ZNF138: variants seen among roughly 807,000 people sequenced by gnomAD.
The protein encoded by ZNF138 is zinc finger protein 138.
Under a neutral mutation model 33.0 loss-of-function variants are expected in ZNF138, and 33 were observed. That is an observed-to-expected ratio of 1.00 (90% confidence interval 0.76 to 1.34). The LOEUF (loss-of-function observed/expected upper bound fraction) is 1.34, where lower values mean the gene tolerates loss of function less well. Among genes scored for constraint, ZNF138 ranks in the 40% most tolerant of loss-of-function variants. The pLI, the probability that ZNF138 is intolerant of heterozygous loss-of-function variation, is 0.00. For missense variants in ZNF138, 360 were observed against 370.8 expected (o/e 0.97, Z 0.24); for synonymous variants, 139 against 120.4 (o/e 1.15, Z -1.01).
rs547099898 is a variant in ZNF138 at position 64,796,980 on chromosome 7, G to A, written c.3+2409G>A. On this transcript the variant is annotated intron_variant, in intron 1 of 3. Coordinates refer to ENST00000307355, the MANE Select transcript of ZNF138 (RefSeq NM_001271639.2). ...TGGGAGAATCATTTGAACCCCATAG[G>A]CAGAGGTTGCAGTGAGCTGAGATCG... Among the ~76,000 whole-genome samples, 13 of 152,318 alleles carry A rather than the reference G, an allele frequency of 8.5e-5. No individual in the cohort carries two copies. The South Asian group carries it at 2.5e-3, about 29-fold the overall frequency.
chr7:64,844,537 T>A, the ZNF138 span, among the ~76,000 whole-genome samples: 1 of 152,030 alleles, frequency 6.6e-6, no homozygotes, highest in Admixed American at 6.6e-5. Context: ...CTCTTCTGCA[T>A]CCGCAAAATG....
chr7:64,808,450 C>T (rs1787790956), intron 1 of ZNF138, among the ~76,000 whole-genome samples: 1 of 152,122 alleles, frequency 6.6e-6, no homozygotes, highest in African/African-American at 2.4e-5. Context: ...AATTAAGCAT[C>T]ATATGGTTGG....
At chr7:64,849,701 C>A in the ZNF138 span, among the ~76,000 whole-genome samples, 1 of 151,828 alleles carries the variant, frequency 6.6e-6, no homozygotes, top group Admixed American at 6.6e-5. Context: ...CTGTGTCATG[C>A]AGGTTGTCAG....
At chr7:64,848,535 G>T in the ZNF138 span, among the ~76,000 whole-genome samples, 3 of 151,704 alleles carry the variant, frequency 2.0e-5, no homozygotes, top group Non-Finnish European at 4.4e-5. Flanking sequence ...TTTCACTGAA[G>T]ATTTCTCCCC....
chr7:64,812,778 G>A (rs118083105), intron 1 of ZNF138, among the ~76,000 whole-genome samples: 1 of 151,714 alleles, frequency 6.6e-6, no homozygotes, highest in Admixed American at 6.6e-5. Flanking sequence ...TGAAGATGCA[G>A]GTGTAATTTG....
the ZNF138 span, among the ~76,000 whole-genome samples, chr7:64,841,009 T>A: frequency 1.0e-3 from 154 of 152,228 alleles, no homozygotes; most frequent in Admixed American, 2.3e-3. Flanking sequence ...GCTTTTTTTT[T>A]AAATTTATTA....
downstream of ZNF138, among the ~76,000 whole-genome samples, chr7:64,834,741 CTCTT>C (rs1790312636): frequency 6.6e-6 from 1 of 152,092 alleles, no homozygotes; most frequent in Admixed American, 6.5e-5. Flanking sequence ...AGTGGAGAGG[CTCTT>C]TGTGTTTAAT....
At chr7:64,825,868 C>T (rs1391760090) in intron 3 of ZNF138, among the ~76,000 whole-genome samples, 4 of 152,132 alleles carry the variant, frequency 2.6e-5, no homozygotes, top group Non-Finnish European at 5.9e-5. Context: ...TACTGTTACA[C>T]TTCGTCAATC....
intron 1 of ZNF138, among the ~76,000 whole-genome samples, chr7:64,810,384 C>G (rs1294630908): frequency 9.5e-6 from 1 of 104,844 alleles, no homozygotes; most frequent in Non-Finnish European, 1.8e-5. Context: ...TGCAGTGAGC[C>G]GAGATGGCAG....
chr7:64,831,949 C>G lies in ZNF138; in HGVS notation c.707C>G (p.Ser236Ter), dbSNP rs759853560. 2.3e-5 allele frequency: 37 copies of G among 1,613,286 alleles called. No individual in the cohort carries two copies. The highest frequency in any genetic ancestry group is 2.9e-5 in the Non-Finnish European group (34 of 1,179,724). Reference protein sequence around the residue: ...EVCGKAFHQSSILTKHKIIRT... With the variant: ...EVCGKAFHQS ...TGTGGAAAAGCCTTTCACCAATCCT[C>G]AATCCTTACTAAACATAAGATAATT... is the stretch of plus-strand genomic sequence containing the variant. Residue 236 changes from serine (S) to a stop codon, truncating the protein, a stop_gained, in exon 4 of 4, where the codon TCA becomes TGA. Transcript: ENST00000307355. LOFTEE classifies it high-confidence loss of function.
chr7:64,807,095 G>C (rs1787663899), intron 1 of ZNF138, among the ~76,000 whole-genome samples: 2 of 152,256 alleles, frequency 1.3e-5, no homozygotes, highest in Non-Finnish European at 1.5e-5. Context: ...ACATGCTCCT[G>C]CTGCAGATAA....
At chr7:64,850,575 A>G in the ZNF138 span, among the ~76,000 whole-genome samples, 5,124 of 152,252 alleles carry the variant, frequency 0.034, 288 homozygotes, top group African/African-American at 0.12. Context: ...ATTGGATGAG[A>G]GGGTGTTGGG....
At chr7:64,841,754 T>C in the ZNF138 span, among the ~76,000 whole-genome samples, 4 of 152,226 alleles carry the variant, frequency 2.6e-5, no homozygotes, top group African/African-American at 9.6e-5. Flanking sequence ...TTTTACATGG[T>C]ACTTTGTAGG....
intron 1 of ZNF138, among the ~76,000 whole-genome samples, chr7:64,802,473 A>G (rs1039469306): frequency 6.6e-6 from 1 of 152,192 alleles, no homozygotes; most frequent in East Asian, 1.9e-4. Flanking sequence ...AGACTTTTGC[A>G]GGGCAATTTC....
chr7:64,830,812 TGA>T (rs1790020933), intron 3 of ZNF138: 2 of 1,105,214 alleles, frequency 1.8e-6, no homozygotes, highest in Non-Finnish European at 1.2e-6. Flanking sequence ...CTAAAGATTC[TGA>T]GAGTCTTTCA....
chr7:64,824,442 G>A (rs1789410368), intron 3 of ZNF138, among the ~76,000 whole-genome samples: 1 of 152,108 alleles, frequency 6.6e-6, no homozygotes. Context: ...TTATCTACTC[G>A]GGTATTCCTG....
At chr7:64,839,870 G>A in the ZNF138 span, among the ~76,000 whole-genome samples, 6 of 152,084 alleles carry the variant, frequency 3.9e-5, no homozygotes, top group Non-Finnish European at 5.9e-5. Context: ...GACAAAGAGG[G>A]CAAAAATCTT....
At chr7:64,803,660 TTGAA>T (rs2128988549) in intron 1 of ZNF138, among the ~76,000 whole-genome samples, 1 of 152,312 alleles carries the variant, frequency 6.6e-6, no homozygotes, top group Admixed American at 6.5e-5. Context: ...AATATTTGCT[TTGAA>T]TGAATCCCTT....
chr7:64,834,091 G>A (rs796655613), downstream of ZNF138, among the ~76,000 whole-genome samples: 1 of 152,040 alleles, frequency 6.6e-6, no homozygotes, highest in Non-Finnish European at 1.5e-5. Flanking sequence ...ACATAAAGAG[G>A]GTTGTAGTGC....
Sources: gnomAD v4.1 joint callset for allele counts (sites outside exome capture counted in the v4.1 genomes callset) on GRCh38, gnomAD v4.1.1 for gene constraint, MANE v1.5 for transcripts, NCBI Gene and HGNC (gene_info 2026-07-23, HGNC 2026-07-21) for gene names.